Variants in AASDH observed in about 807,000 individuals in gnomAD.
AASDH encodes the protein aminoadipate-semialdehyde dehydrogenase.
A neutral mutation model predicts 102.3 loss-of-function variants in AASDH; 81 were observed. The observed-to-expected ratio is 0.79, with a 90% CI of 0.66 to 0.95. AASDH has a LOEUF of 0.95. Ranked by LOEUF, AASDH falls within the 40% of genes least tolerant of loss-of-function variation. The probability of loss-of-function intolerance (pLI) is 0.00; values close to 1 mark genes in which losing one functional copy is unlikely to be tolerated. For synonymous variants in AASDH, 398 were observed against 454.0 expected (o/e 0.88, Z 1.57); for missense variants, 1,203 against 1,266.2 (o/e 0.95, Z 0.76).
Position 56,384,264 on chromosome 4 carries a change from G to A in AASDH, c.36C>T (p.Ser12=), listed in dbSNP as rs777245588. The A allele has an allele frequency of 1.9e-6, 3 of 1,614,056 alleles. No individual in the cohort carries two copies. Among genetic ancestry groups the A allele is most frequent in the Non-Finnish European group, 2.5e-6 (3 of 1,180,000 alleles). The change falls in exon 2 of 15, where the codon TCC becomes TCT. Residue 12 remains serine, a synonymous_variant. Coordinates refer to ENST00000205214, the MANE Select transcript of AASDH (RefSeq NM_181806.4). Reference sequence around the variant, plus strand: ...ATACAGCTACTCTGTCCATATAACAGGAGGCAGCCTTATGCACCAATTCCT... The same window carrying A: ...ATACAGCTACTCTGTCCATATAACAAGAGGCAGCCTTATGCACCAATTCCT... The part of the protein sequence containing the change: ...TLQELVHKAA[S]CYMDRVAVCF...
chr4:56,339,923 C>CTT lies in AASDH; in HGVS notation c.2908-1134_2908-1133dup, dbSNP rs1423050752. ...GTGGCTCACACCTGTAATCCCAACACTTTGGGAGGCCAAGGCAGGTGGATC... is the reference window on the plus strand; with the variant it reads ...GTGGCTCACACCTGTAATCCCAACACTTTTTGGGAGGCCAAGGCAGGTGGATC... On this transcript the variant is annotated intron_variant, in intron 14 of 14. Transcript: ENST00000205214. Among the ~76,000 whole-genome samples the CTT allele has an allele frequency of 2.6e-5, 4 of 151,100 alleles. No homozygotes were observed. In the East Asian group the frequency reaches 7.9e-4, roughly 30 times the overall value.
At chr4:56,369,937 T>C (rs1048050761) in intron 5 of AASDH, among the ~76,000 whole-genome samples, 1 of 145,286 alleles carries the variant, frequency 6.9e-6, no homozygotes, top group Non-Finnish European at 1.5e-5. Flanking sequence ...TGAGACTCTG[T>C]CTCAATTAAA....
intron 5 of AASDH, among the ~76,000 whole-genome samples, chr4:56,366,654 T>C (rs1429084167): frequency 6.6e-6 from 1 of 151,594 alleles, no homozygotes; most frequent in East Asian, 1.9e-4. Context: ...GAAAAGGCCT[T>C]TGACAAAATT....
chr4:56,362,363 C>G (rs757531121), intron 5 of AASDH, among the ~76,000 whole-genome samples: 2 of 152,170 alleles, frequency 1.3e-5, no homozygotes, highest in Non-Finnish European at 2.9e-5. Context: ...CTCCTGGATT[C>G]AAGAGATTCC....
At chr4:56,352,970 A>C (rs1195314383) in intron 9 of AASDH, among the ~76,000 whole-genome samples, 1 of 151,508 alleles carries the variant, frequency 6.6e-6, no homozygotes, top group Non-Finnish European at 1.5e-5. Flanking sequence ...TAATATAACC[A>C]CTAACTAGCA....
intron 4 of AASDH, among the ~76,000 whole-genome samples, chr4:56,375,949 C>T (rs1355940634): frequency 1.3e-5 from 2 of 151,710 alleles, no homozygotes; most frequent in African/African-American, 2.4e-5. Context: ...GTTAATACTC[C>T]TACTACTAAT....
At chr4:56,381,026 C>A (rs1302789245) in intron 3 of AASDH, among the ~76,000 whole-genome samples, 4 of 152,178 alleles carry the variant, frequency 2.6e-5, no homozygotes, top group Admixed American at 1.3e-4. Flanking sequence ...GGATAGGAAG[C>A]AAGGTTTTGC....
chr4:56,363,702 C>G (rs1028279156), intron 5 of AASDH, among the ~76,000 whole-genome samples: 1 of 152,078 alleles, frequency 6.6e-6, no homozygotes, highest in Admixed American at 6.6e-5. Flanking sequence ...AAAGGACATC[C>G]ACACCAGAAA....
intron 5 of AASDH, among the ~76,000 whole-genome samples, chr4:56,363,111 G>C (rs1750516188): frequency 6.6e-6 from 1 of 152,260 alleles, no homozygotes; most frequent in Non-Finnish European, 1.5e-5. Flanking sequence ...TATGCCCACG[G>C]AGCCTGGCTC....
intron 5 of AASDH, among the ~76,000 whole-genome samples, chr4:56,368,028 A>G (rs2109957952): frequency 6.6e-6 from 1 of 152,340 alleles, no homozygotes; most frequent in Non-Finnish European, 1.5e-5. Flanking sequence ...ACAAGAAAAA[A>G]ACAAAAAACC....
At chr4:56,370,966 C>T (rs1250504021) in intron 5 of AASDH, among the ~76,000 whole-genome samples, 2 of 152,160 alleles carry the variant, frequency 1.3e-5, no homozygotes, top group African/African-American at 4.8e-5. Flanking sequence ...CCTGCATGAC[C>T]TAATCACCAG....
At chr4:56,384,747 T>TA (rs1753359378) in intron 1 of AASDH, among the ~76,000 whole-genome samples, 1 of 152,182 alleles carries the variant, frequency 6.6e-6, no homozygotes, top group African/African-American at 2.4e-5. Context: ...TTTGTTAAGA[T>TA]AGAGTAGTCA....
chr4:56,371,347 T>A (rs1751681342), intron 5 of AASDH, 104 bp downstream of exon 5: 1 of 1,199,962 alleles, frequency 8.3e-7, no homozygotes, highest in Non-Finnish European at 1.1e-6. Flanking sequence ...CTAACCAGAT[T>A]ATATTAATCC....
intron 5 of AASDH, among the ~76,000 whole-genome samples, chr4:56,363,509 T>A (rs1750586780): frequency 6.6e-6 from 1 of 152,152 alleles, no homozygotes; most frequent in Non-Finnish European, 1.5e-5. Flanking sequence ...GGCTGGGTAC[T>A]CCTCTGAGAC....
intron 5 of AASDH, among the ~76,000 whole-genome samples, chr4:56,369,447 T>A (rs1309705984): frequency 6.6e-6 from 1 of 152,130 alleles, no homozygotes; most frequent in East Asian, 1.9e-4. Flanking sequence ...AGATGAGAAT[T>A]TATATCCCCT....
chr4:56,356,522 T>G lies in AASDH; in HGVS notation c.862-1099A>C. On this transcript the variant is annotated intron_variant, in intron 5 of 14. Transcript: ENST00000205214. ...CTGCTGGCAAAGGGGATGTCCCCAG[T>G]AAGAGACCACCTGTCCTTCGAGCAG... The G allele has an allele frequency of 3.1e-6, 3 of 977,604 alleles. No individual in the cohort carries two copies. In the East Asian group the frequency reaches 7.4e-5, roughly 24 times the overall value. The allele number at this position is 977,604 out of a possible 1,614,324, so 60.6% of individuals were successfully genotyped here.
chr4:56,349,089 CA>C (rs1748661919), intron 11 of AASDH, 173 bp downstream of exon 11: 1 of 678,334 alleles, frequency 1.5e-6, no homozygotes, highest in Non-Finnish European at 2.4e-6. Flanking sequence ...GGTTCAAATC[CA>C]GGGACTCTTG....
intron 5 of AASDH, 47 bp downstream of exon 5, chr4:56,371,404 A>G: frequency 6.6e-7 from 1 of 1,524,064 alleles, no homozygotes; most frequent in African/African-American, 1.4e-5. Context: ...AAACACTTAA[A>G]ATATTGAAAA....
Position 56,353,428 on chromosome 4 carries a change from C to G in AASDH, c.1552G>C (p.Asp518His). ...CCGTGGGATGTAAATGGTAGAGAGTCGATCAATACAAGCTCATCCGGGACT... is the reference window on the plus strand; with the variant it reads ...CCGTGGGATGTAAATGGTAGAGAGTGGATCAATACAAGCTCATCCGGGACT... ...HAVPDELVLI[D>H]SLPFTSHGKI... The change falls in exon 9 of 15, where the codon GAC becomes CAC. Residue 518 changes from aspartate (D) to histidine (H), a missense_variant. Transcript: ENST00000205214. 6.2e-7 allele frequency: 1 copy of G among 1,608,906 alleles called. No individual in the cohort carries two copies. Among genetic ancestry groups the G allele is most frequent in the Non-Finnish European group, 8.5e-7 (1 of 1,178,330 alleles).
Sources: allele counts gnomAD v4.1 joint callset (sites outside exome capture counted in the v4.1 genomes callset), GRCh38; gene constraint gnomAD v4.1.1; transcripts MANE v1.5; gene names NCBI Gene and HGNC (gene_info 2026-07-23, HGNC 2026-07-21).